PALLD: variants seen among roughly 807,000 people sequenced by gnomAD.
PALLD encodes palladin, cytoskeletal associated protein, also known as palladin.
Under a neutral mutation model 123.5 loss-of-function variants are expected in PALLD, and 61 were observed. That is an observed-to-expected ratio of 0.49 (90% CI 0.40 to 0.61). The LOEUF is 0.61. Among genes scored for constraint, PALLD ranks in the 20% least tolerant of loss-of-function variants. The pLI is 0.00. For synonymous variants in PALLD, 465 were observed against 496.4 expected, an observed-to-expected ratio of 0.94 and a Z score of 0.84; for missense variants, 1,273 against 1,377.0, an observed-to-expected ratio of 0.92 and a Z score of 1.20.
rs764656526 is a variant in PALLD at position 168,863,350 on chromosome 4, G to A, written c.1965-27572G>A. ...AGTCCAGGCAGCATTGAACAGCTCC[G>A]CGCAGATCTCACCCTCCAAAAAACA... is the stretch of plus-strand genomic sequence containing the variant. On this transcript the variant is annotated intron_variant, in intron 10 of 21. Coordinates refer to ENST00000505667, the MANE Select transcript of PALLD (RefSeq NM_001166108.2). Among the ~76,000 whole-genome samples, 7 of 152,152 alleles carry A rather than the reference G, an allele frequency of 4.6e-5. No homozygotes were observed. In the South Asian group the frequency reaches 6.2e-4, roughly 14 times the overall value.
chr4:168,784,792 T>C (rs1424761101), intron 10 of PALLD, among the ~76,000 whole-genome samples: 1 of 151,918 alleles, frequency 6.6e-6, no homozygotes. Context: ...AGCGTGAAGT[T>C]GTTAAGTGCA....
intron 9 of PALLD, 41 bp from the exon 10 acceptor site, chr4:168,711,540 T>A (rs768769395): frequency 7.5e-7 from 1 of 1,332,726 alleles, no homozygotes; most frequent in Non-Finnish European, 1.1e-6. Context: ...GTTGAACTAG[T>A]GGCATCTTCT....
In PALLD at chr4:168,690,827, AG is replaced by A. The variant is rs1270758167; in HGVS notation, c.1477+84del. 41 of 1,337,218 alleles carry A rather than the reference AG, an allele frequency of 3.1e-5. No homozygotes were observed. In the East Asian group the frequency reaches 8.7e-4, roughly 28 times the overall value. 82.8% of individuals were successfully genotyped at this position (1,337,218 alleles called of 1,614,324 possible). On this transcript the variant is annotated intron_variant, in intron 7 of 21. Transcript: ENST00000505667. ...AAAACCAAGAAGGGCTAAGTCATTA[AG>A]ATGAATTGATCTCTATGTTCAAAGA...
intron 2 of PALLD, among the ~76,000 whole-genome samples, chr4:168,579,767 A>G (rs1394757587): frequency 2.0e-5 from 3 of 152,062 alleles, no homozygotes; most frequent in Non-Finnish European, 4.4e-5. Context: ...TTATTTTGAC[A>G]GATAAAAATT....
At chr4:168,751,983 T>G (rs1243796560) in intron 10 of PALLD, among the ~76,000 whole-genome samples, 1 of 152,116 alleles carries the variant, frequency 6.6e-6, no homozygotes, top group Non-Finnish European at 1.5e-5. Flanking sequence ...CTGCTTGGAG[T>G]GAGTCAGAGC....
chr4:168,871,381 T>G (rs1751048074), intron 10 of PALLD, among the ~76,000 whole-genome samples: 1 of 152,238 alleles, frequency 6.6e-6, no homozygotes, highest in East Asian at 1.9e-4. Context: ...AATTTTATAC[T>G]TAAGACCTTA....
Position 168,926,495 on chromosome 4 carries a change from T to TAA in PALLD, c.*324_*325dup. On this transcript the variant is annotated 3_prime_UTR_variant, in exon 22 of 22. Transcript: ENST00000505667. ...AAACATACCTTTGACTATAAGAAAT[T>TAA]AAAAAAAAAACACCAAAATAATATT... 1.6e-6 allele frequency: 1 copy of TAA among 607,002 alleles called. No individual in the cohort carries two copies. The highest frequency in any genetic ancestry group is 2.7e-6 in the Non-Finnish European group (1 of 372,426). 37.6% of individuals were successfully genotyped at this position (607,002 alleles called of 1,614,324 possible).
At chr4:168,750,162 G>C (rs1730863102) in intron 10 of PALLD, among the ~76,000 whole-genome samples, 1 of 152,038 alleles carries the variant, frequency 6.6e-6, no homozygotes, top group South Asian at 2.1e-4. Flanking sequence ...GGCCAGGCTG[G>C]TCTCAAACTC....
intron 10 of PALLD, among the ~76,000 whole-genome samples, chr4:168,804,581 C>A (rs1270436589): frequency 6.6e-6 from 1 of 152,174 alleles, no homozygotes; most frequent in Non-Finnish European, 1.5e-5. Context: ...ATCAGCCCAT[C>A]GGGGCAGCAG....
At chr4:168,563,091 T>C (rs1231518780) in intron 2 of PALLD, among the ~76,000 whole-genome samples, 1 of 152,146 alleles carries the variant, frequency 6.6e-6, no homozygotes, top group Non-Finnish European at 1.5e-5. Flanking sequence ...ATTTGGGGCC[T>C]GAGCAAGTGA....
intron 10 of PALLD, among the ~76,000 whole-genome samples, chr4:168,737,498 A>G (rs1374171283): frequency 6.6e-6 from 1 of 152,180 alleles, no homozygotes. Flanking sequence ...TGGGTGACAC[A>G]AATGGAAGAT....
rs146249790 is a variant in PALLD, at chr4:168,699,359, G to A, written c.1501+8067G>A. Among the ~76,000 whole-genome samples the A allele has an allele frequency of 5.6e-3, 855 of 152,254 alleles. 5 individuals carry two copies. Among genetic ancestry groups the A allele is most frequent in the African/African-American group, 0.02 (813 of 41,542 alleles). On this transcript the variant is annotated intron_variant, in intron 8 of 21. Coordinates refer to ENST00000505667, the MANE Select transcript of PALLD (RefSeq NM_001166108.2). Reference sequence around the variant, plus strand: ...CTCCCAAAGTGCTAGGATTACAGGCGTGAGTTACTGCACCCAGCCTCCTGT... The same window carrying A: ...CTCCCAAAGTGCTAGGATTACAGGCATGAGTTACTGCACCCAGCCTCCTGT...
At chr4:168,538,309 T>C (rs1580197962) in intron 2 of PALLD, among the ~76,000 whole-genome samples, 2 of 152,128 alleles carry the variant, frequency 1.3e-5, no homozygotes, top group Non-Finnish European at 2.9e-5. Context: ...TCTAATAAAA[T>C]GTTTTAAAGG....
At chr4:168,827,621 T>G (rs1743593489) in intron 10 of PALLD, among the ~76,000 whole-genome samples, 1 of 152,240 alleles carries the variant, frequency 6.6e-6, no homozygotes, top group Non-Finnish European at 1.5e-5. Context: ...TTCCTTAGTC[T>G]TGTTCTTGTT....
chr4:168,746,464 G>A (rs1034665767), intron 10 of PALLD, among the ~76,000 whole-genome samples: 6 of 144,734 alleles, frequency 4.1e-5, no homozygotes, highest in African/African-American at 1.0e-4. Flanking sequence ...CAGAAAACCC[G>A]TGTGACACAG....
At chr4:168,647,769 C>T (rs1275863426) in intron 2 of PALLD, 29 of 129,346 alleles carry the variant, frequency 2.2e-4, no homozygotes, top group Non-Finnish European at 2.4e-4. Context: ...TGACAGAGCC[C>T]GACTCTGTCT....
intron 10 of PALLD, among the ~76,000 whole-genome samples, chr4:168,712,496 G>A (rs1784928390): frequency 6.6e-6 from 1 of 152,134 alleles, no homozygotes; most frequent in Non-Finnish European, 1.5e-5. Context: ...ATATTTCCAT[G>A]AATACCATCT....
chr4:168,577,043 A>T (rs374053696), intron 2 of PALLD, among the ~76,000 whole-genome samples: 1 of 152,166 alleles, frequency 6.6e-6, no homozygotes, highest in East Asian at 1.9e-4. Context: ...AAAGAGTTTA[A>T]TTGAGCAATG....
intron 8 of PALLD, among the ~76,000 whole-genome samples, chr4:168,693,573 T>A (rs1282320496): frequency 6.6e-6 from 1 of 152,230 alleles, no homozygotes; most frequent in Non-Finnish European, 1.5e-5. Flanking sequence ...CATAGTTAGA[T>A]CTGAAAGCGT....
Sources: allele counts gnomAD v4.1 joint callset (sites outside exome capture counted in the v4.1 genomes callset), GRCh38; gene constraint gnomAD v4.1.1; transcripts MANE v1.5; gene names NCBI Gene and HGNC (gene_info 2026-07-23, HGNC 2026-07-21).